The following GRIK1 variants were observed in gnomAD, a reference collection of about 807,000 sequenced individuals.
GRIK1 encodes the protein glutamate ionotropic receptor kainate type subunit 1.
GRIK1 carries 69 observed loss-of-function variants against 105.7 expected under a neutral mutation model. That is an observed-to-expected ratio of 0.65 (90% CI 0.54 to 0.80). The LOEUF (loss-of-function observed/expected upper bound fraction) is 0.80, where lower values mean the gene tolerates loss of function less well. Among genes scored for constraint, GRIK1 ranks in the 30% least tolerant of loss-of-function variants. GRIK1 has a pLI of 0.00. For missense variants in GRIK1, 1,109 were observed against 1,167.3 expected (o/e 0.95, Z 0.73); for synonymous variants, 438 against 431.3 (o/e 1.02, Z -0.19).
chr21:29,579,965 G>GTATA (rs58814385), intron 13 of GRIK1, among the ~76,000 whole-genome samples: 1 of 143,160 alleles, frequency 7.0e-6, no homozygotes, highest in African/African-American at 2.7e-5. Context: ...ATGTGTGTGT[G>GTATA]TATATATATA....
At chr21:29,765,662 C>T (rs1445350682) in intron 1 of GRIK1, among the ~76,000 whole-genome samples, 2 of 152,062 alleles carry the variant, frequency 1.3e-5, no homozygotes, top group East Asian at 3.9e-4. Context: ...GTTAATCCTG[C>T]TTCGAATGGG....
chr21:29,580,043 A>G (rs928408855), intron 13 of GRIK1, among the ~76,000 whole-genome samples: 2 of 141,108 alleles, frequency 1.4e-5, no homozygotes, highest in African/African-American at 5.6e-5. Flanking sequence ...ATGTGTATAT[A>G]TGTATATATG....
chr21:29,884,251 T>G (rs1340298761), intron 1 of GRIK1, among the ~76,000 whole-genome samples: 1 of 152,070 alleles, frequency 6.6e-6, no homozygotes, highest in Non-Finnish European at 1.5e-5. Flanking sequence ...TGCCAAGATA[T>G]GGTCTAATCT....
chr21:29,790,180 G>C (rs1007135404), intron 1 of GRIK1, among the ~76,000 whole-genome samples: 1 of 152,112 alleles, frequency 6.6e-6, no homozygotes, highest in Non-Finnish European at 1.5e-5. Context: ...CTTCAAAATA[G>C]CTGGGACTAC....
chr21:29,706,706 C>T (rs1461749337), intron 1 of GRIK1, among the ~76,000 whole-genome samples: 1 of 152,184 alleles, frequency 6.6e-6, no homozygotes, highest in Non-Finnish European at 1.5e-5. Context: ...AGTTAAACAT[C>T]ATATCACAGA....
Position 29,577,131 on chromosome 21 carries a change from A to C in GRIK1, c.1963T>G (p.Trp655Gly). Reference sequence around the variant, plus strand: ...ATGATGATTAGGGTGAAAAACCACCATATCCCTCCAACTATTCTGGTCGAT... The same window carrying C: ...ATGATGATTAGGGTGAAAAACCACCCTATCCCTCCAACTATTCTGGTCGAT... Reference protein sequence around the residue: ...ALSTRIVGGIWWFFTLIIISS... With the variant: ...ALSTRIVGGIGWFFTLIIISS... The change falls in exon 14 of 18, where the codon TGG becomes GGG. Residue 655 changes from tryptophan to glycine, a missense_variant. By Grantham distance (184) the Trp-to-Gly change is radical. Around this residue, in one of 5 missense-constraint regions of GRIK1, gnomAD observed 264 missense variants for 306.9 expected, o/e 0.86. Coordinates refer to ENST00000327783, the MANE Select transcript of GRIK1 (RefSeq NM_001330994.2). 1 of 1,612,714 alleles carries C rather than the reference A, an allele frequency of 6.2e-7. No homozygotes were observed. The highest frequency in any genetic ancestry group is 8.5e-7 in the Non-Finnish European group (1 of 1,178,728).
chr21:29,759,937 C>A (rs953795820), intron 1 of GRIK1: 1 of 152,204 alleles, frequency 6.6e-6, no homozygotes, highest in South Asian at 2.1e-4. Context: ...AGCAGCTGTA[C>A]AAACCTTTCT....
intron 1 of GRIK1, among the ~76,000 whole-genome samples, chr21:29,809,017 G>T (rs751109387): frequency 6.6e-6 from 1 of 152,030 alleles, no homozygotes; most frequent in Non-Finnish European, 1.5e-5. Context: ...TTTCCCTCAA[G>T]TCAAACTTTT....
chr21:29,666,648 A>T (rs2063064601), intron 4 of GRIK1, among the ~76,000 whole-genome samples: 3 of 152,326 alleles, frequency 2.0e-5, no homozygotes, highest in Middle Eastern at 6.8e-3. Flanking sequence ...TTTCTCTATG[A>T]TATCCCTACC....
chr21:29,813,852 T>C (rs1235302445), intron 1 of GRIK1, among the ~76,000 whole-genome samples: 1 of 151,362 alleles, frequency 6.6e-6, no homozygotes, highest in African/African-American at 2.4e-5. Flanking sequence ...AGAAGTGAAG[T>C]GTCTTGTCCA....
intron 1 of GRIK1, among the ~76,000 whole-genome samples, chr21:29,864,108 T>G (rs1342742264): frequency 6.6e-6 from 1 of 152,092 alleles, no homozygotes; most frequent in Non-Finnish European, 1.5e-5. Flanking sequence ...GATTTTTTTT[T>G]TTTTCCAAGA....
At chr21:29,861,535 C>T (rs552486055) in intron 1 of GRIK1, 13 of 249,722 alleles carry the variant, frequency 5.2e-5, no homozygotes, top group Non-Finnish European at 8.0e-5. Context: ...CTCAAACTCC[C>T]GGACTCAAGC....
chr21:29,913,598 A>G (rs187078237), intron 1 of GRIK1, among the ~76,000 whole-genome samples: 54 of 151,702 alleles, frequency 3.6e-4, no homozygotes, highest in African/African-American at 1.3e-3. Flanking sequence ...TCCTTACAAC[A>G]GTGTAGAAAA....
intron 14 of GRIK1, among the ~76,000 whole-genome samples, chr21:29,565,206 G>A (rs1365496840): frequency 6.6e-6 from 1 of 152,162 alleles, no homozygotes; most frequent in Admixed American, 6.5e-5. Context: ...TAAACATAAT[G>A]GGAGCAAGAA....
At chr21:29,887,405 A>G (rs1260726574) in intron 1 of GRIK1, among the ~76,000 whole-genome samples, 1 of 152,182 alleles carries the variant, frequency 6.6e-6, no homozygotes, top group African/African-American at 2.4e-5. Flanking sequence ...GGAAACATTG[A>G]GCTCTTCTGA....
intron 3 of GRIK1, among the ~76,000 whole-genome samples, chr21:29,688,898 A>T: frequency 6.6e-6 from 1 of 152,212 alleles, no homozygotes; most frequent in Non-Finnish European, 1.5e-5. Flanking sequence ...AAGAAATGAT[A>T]GATTCTTCAT....
Position 29,838,272 on chromosome 21 carries a change from C to T in GRIK1, c.118+101111G>A, listed in dbSNP as rs530870879. Among the ~76,000 whole-genome samples, 4 of 152,068 alleles carry T rather than the reference C, an allele frequency of 2.6e-5. No individual in the cohort carries two copies. In the East Asian group the frequency reaches 5.8e-4, roughly 22 times the overall value. On this transcript the variant is annotated intron_variant, in intron 1 of 17. Transcript: ENST00000327783. ...TCTAACCAACTGGGGGCTGCAGAAACTGAATTGGACAACCAAGAAGATAGT... is the reference window on the plus strand; with the variant it reads ...TCTAACCAACTGGGGGCTGCAGAAATTGAATTGGACAACCAAGAAGATAGT...
intron 1 of GRIK1, among the ~76,000 whole-genome samples, chr21:29,763,055 A>C (rs976873694): frequency 6.6e-6 from 1 of 151,996 alleles, no homozygotes; most frequent in Admixed American, 6.6e-5. Flanking sequence ...TGCTAAGGGG[A>C]CTGATATGGT....
intron 3 of GRIK1, among the ~76,000 whole-genome samples, chr21:29,681,939 A>C (rs987545676): frequency 6.6e-5 from 10 of 152,198 alleles, no homozygotes; most frequent in African/African-American, 2.4e-4. Context: ...GTGTTTTAGA[A>C]AAGCAATTTA....
Sources: gnomAD v4.1 joint callset for allele counts (sites outside exome capture counted in the v4.1 genomes callset) on GRCh38, gnomAD v4.1.1 for gene constraint, gnomAD v4.1.1 regional missense constraint, MANE v1.5 for transcripts, NCBI Gene and HGNC (gene_info 2026-07-23, HGNC 2026-07-21) for gene names.